Variants in TPT1 observed in about 807,000 individuals in gnomAD.
TPT1 encodes translationally-controlled tumor protein.
TPT1 carries 5 observed loss-of-function variants against 22.8 expected under a neutral mutation model. The observed-to-expected ratio is 0.22, with a 90% CI of 0.11 to 0.46. The LOEUF is 0.46. Among genes scored for constraint, TPT1 ranks in the 20% least tolerant of loss-of-function variants. The probability of loss-of-function intolerance (pLI) is 0.99; values close to 1 mark genes in which losing one functional copy is unlikely to be tolerated. For synonymous variants in TPT1, 89 were observed against 73.6 expected, an observed-to-expected ratio of 1.21 and a Z score of -1.07; for missense variants, 130 against 218.7, an observed-to-expected ratio of 0.59 and a Z score of 2.56.
At chr13:45,339,441 T>C in intron 4 of TPT1, 56 bp downstream of exon 4, 29 of 1,488,998 alleles carry the variant, frequency 1.9e-5, no homozygotes, top group Non-Finnish European at 2.3e-5. Context: ...AACTTAATTT[T>C]TGCTCTTGCA....
chr13:45,340,438 TAAGTGGG>T, intron 2 of TPT1: 2 of 739,042 alleles, frequency 2.7e-6, no homozygotes, highest in Non-Finnish European at 4.8e-6. Flanking sequence ...CTCCGGTTGG[TAAGTGGG>T]GACAGGACAA....
intron 4 of TPT1, chr13:45,339,230 C>T (rs1878916519): frequency 2.6e-6 from 1 of 387,318 alleles, no homozygotes; most frequent in Non-Finnish European, 4.6e-6. Context: ...AGAAGGAGGA[C>T]CAGTAGCAAT....
At chr13:45,339,026 A>C (rs1878902930) in intron 4 of TPT1, 4 of 391,600 alleles carry the variant, frequency 1.0e-5, no homozygotes, top group Non-Finnish European at 1.8e-5. Context: ...TTTACTCTCA[A>C]TCCTAAATAC....
rs906324813 is a variant in TPT1 at position 45,337,021 on chromosome 13, C to A, written c.*365G>T. 9 of 257,384 alleles carry A rather than the reference C, an allele frequency of 3.5e-5. No individual in the cohort carries two copies. Among genetic ancestry groups the A allele is most frequent in the Non-Finnish European group, 6.8e-5 (9 of 133,086 alleles). The allele number at this position is 257,384 out of a possible 1,614,324, so 15.9% of individuals were successfully genotyped here. A position where few individuals can be genotyped will look rare whatever the true frequency, so the allele number is the denominator to read the frequency against. ...CCTTTATTGCAACTCAAAATCAGAA[C>A]CTTTGATTCTTTTTTATATTCCAGT... On this transcript the variant is annotated 3_prime_UTR_variant, in exon 6 of 6. Coordinates refer to ENST00000530705, the MANE Select transcript of TPT1 (RefSeq NM_003295.4).
In TPT1 at chr13:45,334,224, T is replaced by TG. The variant is rs1231270264; in HGVS notation, c.*3161dup. The TG allele has an allele frequency of 2.0e-5, 3 of 152,204 alleles. No homozygotes were observed. Among genetic ancestry groups the TG allele is most frequent in the Non-Finnish European group, 4.4e-5 (3 of 68,060 alleles). 9.4% of individuals were successfully genotyped at this position (152,204 alleles called of 1,614,324 possible). ...ATGGTTCCTGGCTAAATTTTAGAGA[T>TG]GGGGTCTCCCTGTGGTGCCCAGGCT... On this transcript the variant is annotated 3_prime_UTR_variant, in exon 6 of 6. Coordinates refer to ENST00000530705, the MANE Select transcript of TPT1 (RefSeq NM_003295.4).
At chr13:45,340,841 A>G (rs1325013429) in intron 1 of TPT1, 56 bp from the exon 2 acceptor site, 3 of 1,485,958 alleles carry the variant, frequency 2.0e-6, no homozygotes, top group Non-Finnish European at 2.7e-6. Context: ...CATTTCCCGC[A>G]TTTCCCGCGC....
At chr13:45,340,262 TAAG>T (rs943581756) in intron 2 of TPT1, 78 bp from the exon 3 acceptor site, 10 of 1,485,376 alleles carry the variant, frequency 6.7e-6, no homozygotes, top group Admixed American at 1.9e-5. Context: ...AGTTCACGGA[TAAG>T]AAGTATTCTT....
intron 4 of TPT1, 32 bp downstream of exon 4, chr13:45,339,454 TAAAATTGTACA>T: frequency 6.4e-7 from 1 of 1,554,064 alleles, no homozygotes; most frequent in South Asian, 1.2e-5. Flanking sequence ...CTCTTGCAGT[TAAAATTGTACA>T]ATCCTTTGAT....
In TPT1 at chr13:45,340,016, A is replaced by G. The variant is rs759240189; in HGVS notation, c.271T>C (p.Tyr91His). Reference sequence around the variant, plus strand: ...TACGATTTCATGTAATCTTTGATGTACTTCTTGTAGGCTTCTTTTGTGAAA... The same window carrying G: ...TACGATTTCATGTAATCTTTGATGTGCTTCTTGTAGGCTTCTTTTGTGAAA... ...TSFTKEAYKK[Y>H]IKDYMKSIKG... is the part of the protein sequence containing the mutation. Residue 91 changes from tyrosine (Y) to histidine (H), a missense_variant, in exon 3 of 6, where the codon TAC (tyrosine) becomes CAC (histidine). Coordinates refer to ENST00000530705, the MANE Select transcript of TPT1 (RefSeq NM_003295.4). The G allele has an allele frequency of 1.2e-6, 2 of 1,613,998 alleles. No homozygotes were observed. Among genetic ancestry groups the G allele is most frequent in the Non-Finnish European group, 1.7e-6 (2 of 1,180,004 alleles).
chr13:45,340,833 T>C, intron 1 of TPT1, 48 bp from the exon 2 acceptor site: 1 of 1,486,788 alleles, frequency 6.7e-7, no homozygotes, highest in Non-Finnish European at 8.9e-7. Context: ...GGCGCCGCCA[T>C]TTCCCGCATT....
chr13:45,337,544 C>T (rs201574235), intron 5 of TPT1, 156 bp from the exon 6 acceptor site: 109 of 1,612,098 alleles, frequency 6.8e-5, no homozygotes, highest in Admixed American at 2.8e-4. Flanking sequence ...GGATTTCTTT[C>T]TTTTGCATCC....
chr13:45,338,567 T>C (rs182262987), intron 5 of TPT1, 93 bp downstream of exon 5: 2 of 1,539,102 alleles, frequency 1.3e-6, no homozygotes, highest in Non-Finnish European at 8.7e-7. Context: ...CAGAACGCTG[T>C]AAAACTCATT....
Position 45,341,112 on chromosome 13 carries a change from G to A in TPT1, c.-43C>T. 1.9e-6 allele frequency: 3 copies of A among 1,609,888 alleles called. No homozygotes were observed. Among genetic ancestry groups the A allele is most frequent in the South Asian group, 1.1e-5 (1 of 90,524 alleles). On this transcript the variant is annotated 5_prime_UTR_variant, in exon 1 of 6. Transcript: ENST00000530705. ...GACGACGACGGCGCTAGCTTAGCAC[G>A]AGCCTGAAACTCGGAGCGAGCGCGG...
At chr13:45,339,843 G>A (rs895617279) in intron 3 of TPT1, 151 bp downstream of exon 3, 2 of 916,132 alleles carry the variant, frequency 2.2e-6, no homozygotes, top group East Asian at 2.7e-5. Context: ...TCATATTATA[G>A]AAAAGCAACC....
At chr13:45,338,814 A>T in intron 4 of TPT1, 38 bp from the exon 5 acceptor site, 2 of 1,485,554 alleles carry the variant, frequency 1.3e-6, no homozygotes, top group Non-Finnish European at 1.8e-6. Context: ...TTAGACTATT[A>T]CATACAAATA....
At chr13:45,340,485 G>A (rs1366689637) in intron 2 of TPT1, 2 of 747,206 alleles carry the variant, frequency 2.7e-6, no homozygotes. Context: ...TCCTAAGCCG[G>A]AAGCATCATG....
Position 45,340,203 on chromosome 13 carries a change from G to A in TPT1, c.103-19C>T, listed in dbSNP as rs917161677. On this transcript the variant is annotated intron_variant, in intron 2 of 5. Coordinates refer to ENST00000530705, the MANE Select transcript of TPT1 (RefSeq NM_003295.4). ...TGACCATCTGCATTAAGAAAAAGCA[G>A]TATAATTGCAAAAGACACAAACGCA... The A allele has an allele frequency of 5.0e-6, 8 of 1,599,148 alleles. No individual in the cohort carries two copies. The highest frequency in any genetic ancestry group is 1.3e-5 in the African/African-American group (1 of 74,238).
Position 45,340,702 on chromosome 13 carries a change from A to G in TPT1, c.102+10T>C. The G allele has an allele frequency of 6.5e-7, 1 of 1,543,728 alleles. No homozygotes were observed. On this transcript the variant is annotated intron_variant, in intron 2 of 5. Transcript: ENST00000530705. Reference sequence around the variant, plus strand: ...CCGGACTCCCCCACGCGCAGGCCCGACCGACTCACCTTCCCCTCCACCTCC... The same window carrying G: ...CCGGACTCCCCCACGCGCAGGCCCGGCCGACTCACCTTCCCCTCCACCTCC...
At chr13:45,340,461 A>T (rs773150770) in intron 2 of TPT1, 1 of 736,284 alleles carries the variant, frequency 1.4e-6, no homozygotes, top group Non-Finnish European at 2.4e-6. Context: ...GACAAACACG[A>T]AAGGACTCCA....
Sources: gnomAD v4.1 joint callset for allele counts on GRCh38, gnomAD v4.1.1 for gene constraint, MANE v1.5 for transcripts, NCBI Gene and HGNC (gene_info 2026-07-23, HGNC 2026-07-21) for gene names.